TTLL5: variants seen among roughly 807,000 people sequenced by gnomAD.
TTLL5 encodes tubulin polyglutamylase TTLL5.
A neutral mutation model predicts 168.4 loss-of-function variants in TTLL5; 132 were observed. The ratio of observed to expected loss-of-function variants is 0.78; its 90% CI spans 0.68 to 0.91. TTLL5 has a LOEUF of 0.91. TTLL5 is among the 40% of genes least tolerant of loss of function. TTLL5 has a pLI of 0.00. For missense variants in TTLL5, 1,545 were observed against 1,581.5 expected, an observed-to-expected ratio of 0.98 and a Z score of 0.39; for synonymous variants, 546 against 558.6, an observed-to-expected ratio of 0.98 and a Z score of 0.32.
chr14:75,790,758 C>T (rs1282025132), intron 26 of TTLL5, among the ~76,000 whole-genome samples: 5 of 151,278 alleles, frequency 3.3e-5, no homozygotes, highest in African/African-American at 4.8e-5. Flanking sequence ...AGCCACCATT[C>T]CCGGCCCAGG....
At chr14:75,785,935 T>C (rs965003831) in intron 26 of TTLL5, among the ~76,000 whole-genome samples, 6 of 152,180 alleles carry the variant, frequency 3.9e-5, no homozygotes, top group African/African-American at 1.4e-4. Context: ...ATAGGATTAT[T>C]ATCTGTGGAT....
chr14:75,721,849 AGT>A (rs1887856819), intron 12 of TTLL5, among the ~76,000 whole-genome samples: 1 of 152,250 alleles, frequency 6.6e-6, no homozygotes, highest in East Asian at 1.9e-4. Context: ...TTTGAGGGTC[AGT>A]AAACAAAGGG....
intron 31 of TTLL5, among the ~76,000 whole-genome samples, chr14:75,929,749 G>C (rs993991130): frequency 6.6e-6 from 1 of 152,030 alleles, no homozygotes; most frequent in African/African-American, 2.4e-5. Flanking sequence ...CACTACGCCC[G>C]GCCAAAGATA....
At chr14:75,700,843 C>A (rs573351426) in intron 7 of TTLL5, among the ~76,000 whole-genome samples, 1 of 152,054 alleles carries the variant, frequency 6.6e-6, no homozygotes, top group East Asian at 1.9e-4. Flanking sequence ...TTGCTGCTGC[C>A]GCTGACAGAC....
At chr14:75,784,222 A>T (rs1209866209) in intron 26 of TTLL5, among the ~76,000 whole-genome samples, 1 of 152,122 alleles carries the variant, frequency 6.6e-6, no homozygotes, top group East Asian at 1.9e-4. Context: ...GCAACCACTG[A>T]TCTACTTCTC....
intron 1 of TTLL5, among the ~76,000 whole-genome samples, chr14:75,662,430 T>C (rs1245212895): frequency 3.3e-5 from 5 of 151,730 alleles, no homozygotes; most frequent in African/African-American, 9.7e-5. Flanking sequence ...GTTCAAGCGA[T>C]TCTCCTCCCT....
intron 31 of TTLL5, among the ~76,000 whole-genome samples, chr14:75,951,102 G>A (rs978898495): frequency 3.3e-5 from 5 of 152,120 alleles, no homozygotes; most frequent in African/African-American, 9.7e-5. Context: ...CCAGCACTTT[G>A]GCAGGCTGAG....
At chr14:75,665,405 G>A (rs1351512556) in intron 2 of TTLL5, among the ~76,000 whole-genome samples, 1 of 152,180 alleles carries the variant, frequency 6.6e-6, no homozygotes, top group African/African-American at 2.4e-5. Flanking sequence ...GGTCACCAGT[G>A]TGAGGTGTCA....
chr14:75,898,952 G>A (rs1235114507), intron 30 of TTLL5, among the ~76,000 whole-genome samples: 1 of 152,192 alleles, frequency 6.6e-6, no homozygotes, highest in African/African-American at 2.4e-5. Context: ...CCATTCTTCT[G>A]TAGTTTAGCA....
intron 27 of TTLL5, among the ~76,000 whole-genome samples, chr14:75,811,964 C>A (rs1319681994): frequency 3.9e-5 from 6 of 152,158 alleles, no homozygotes; most frequent in Admixed American, 2.0e-4. Context: ...TTTCTCCTAC[C>A]CCCTTTTCAA....
intron 28 of TTLL5, among the ~76,000 whole-genome samples, chr14:75,851,473 G>A (rs1311435447): frequency 6.6e-6 from 1 of 152,136 alleles, no homozygotes; most frequent in Non-Finnish European, 1.5e-5. Context: ...AGGAAGATTT[G>A]GTAATCTTTC....
intron 9 of TTLL5, chr14:75,709,577 A>C: frequency 4.6e-6 from 1 of 215,986 alleles, no homozygotes. Flanking sequence ...TGGACCAGGC[A>C]TCTGAACATG....
At chr14:75,949,092 T>G (rs1370973718) in intron 31 of TTLL5, among the ~76,000 whole-genome samples, 1 of 152,152 alleles carries the variant, frequency 6.6e-6, no homozygotes, top group East Asian at 1.9e-4. Flanking sequence ...TCTGTCATTA[T>G]TCTCAGATAA....
chr14:75,745,722 C>T (rs935243237), intron 17 of TTLL5, 141 bp downstream of exon 17: 15 of 665,446 alleles, frequency 2.3e-5, no homozygotes, highest in Non-Finnish European at 2.8e-5. Context: ...TTATCCAACC[C>T]GAGAACTAGA....
At chr14:75,797,993 G>A (rs1893083661) in intron 27 of TTLL5, among the ~76,000 whole-genome samples, 1 of 151,912 alleles carries the variant, frequency 6.6e-6, no homozygotes, top group Non-Finnish European at 1.5e-5. Context: ...CTTTTTCTCT[G>A]TCTTTTGGAA....
chr14:75,856,876 C>T (rs1210905675), intron 28 of TTLL5, among the ~76,000 whole-genome samples: 1 of 152,152 alleles, frequency 6.6e-6, no homozygotes, highest in East Asian at 1.9e-4. Context: ...CTGCCCACCT[C>T]CGCCTCCCAA....
At chr14:75,733,939 T>C in intron 13 of TTLL5, 50 bp from the exon 14 acceptor site, 1 of 1,585,536 alleles carries the variant, frequency 6.3e-7, no homozygotes, top group South Asian at 1.1e-5. Flanking sequence ...GCGGCTATTC[T>C]GTTAACCTAC....
chr14:75,936,751 A>G (rs1440635570), intron 31 of TTLL5, among the ~76,000 whole-genome samples: 2 of 152,158 alleles, frequency 1.3e-5, no homozygotes, highest in Admixed American at 1.3e-4. Flanking sequence ...TTTTTGCATC[A>G]ACTTTTGTGA....
At chr14:75,784,494 G>A (rs1485403339) in intron 26 of TTLL5, among the ~76,000 whole-genome samples, 1 of 152,162 alleles carries the variant, frequency 6.6e-6, no homozygotes, top group East Asian at 1.9e-4. Context: ...ATTAGTTGAG[G>A]GGCATTTGAT....
Sources: gnomAD v4.1 joint callset for allele counts (sites outside exome capture counted in the v4.1 genomes callset) on GRCh38, gnomAD v4.1.1 for gene constraint, MANE v1.5 for transcripts, NCBI Gene and HGNC (gene_info 2026-07-23, HGNC 2026-07-21) for gene names.